COL23A1: variants seen among roughly 807,000 people sequenced by gnomAD.
COL23A1 encodes the protein collagen type XXIII alpha 1 chain.
In COL23A1, 97 loss-of-function variants were observed where a neutral mutation model predicts 99.3. The ratio of observed to expected loss-of-function variants is 0.98; its 90% CI spans 0.83 to 1.16. The LOEUF (loss-of-function observed/expected upper bound fraction) is 1.16, where lower values mean the gene tolerates loss of function less well. COL23A1 is among the 50% of genes most tolerant of loss of function. COL23A1 has a pLI of 0.00. For synonymous variants in COL23A1, 320 were observed against 308.2 expected (o/e 1.04, Z -0.40); for missense variants, 762 against 757.4 (o/e 1.01, Z -0.07).
chr5:178,280,971 G>C lies in COL23A1; in HGVS notation c.441+7353C>G, dbSNP rs1215404179. Among the ~76,000 whole-genome samples the C allele has an allele frequency of 6.6e-6, 1 of 152,200 alleles. No individual in the cohort carries two copies. The highest frequency in any genetic ancestry group is 1.5e-5 in the Non-Finnish European group (1 of 68,036). The stretch of plus-strand genomic sequence containing the variant: ...CATGGGACACTCACGGGGACACTGG[G>C]GACACAGTGCTGGACCAAGACAAGA... On this transcript the variant is annotated intron_variant, in intron 5 of 28. Coordinates refer to ENST00000390654, the MANE Select transcript of COL23A1 (RefSeq NM_173465.4). This position sits in a 1 kb window ranked among gnomAD's most constrained non-coding sequence, Gnocchi z 4.9.
At position 178,313,094 on chromosome 5, in the gene COL23A1, A is replaced by G. The variant is rs1203993819; in HGVS notation, c.362-6175T>C. Among the ~76,000 whole-genome samples, 2 of 152,172 alleles carry G rather than the reference A, an allele frequency of 1.3e-5. No individual in the cohort carries two copies. Among genetic ancestry groups the G allele is most frequent in the East Asian group, 1.9e-4 (1 of 5,186 alleles). On this transcript the variant is annotated intron_variant, in intron 2 of 28. Coordinates refer to ENST00000390654, the MANE Select transcript of COL23A1 (RefSeq NM_173465.4). This position sits in a 1 kb window ranked among gnomAD's most constrained non-coding sequence, Gnocchi z 4.2. ...GCGATGGGAAGTAAGCCAGACACAG[A>G]AAGACAAATACGGAAGGATTCCACT... is the stretch of plus-strand genomic sequence containing the variant.
Position 178,434,913 on chromosome 5 carries a change from C to A in COL23A1, c.361+125769G>T, listed in dbSNP as rs1224444871. Among the ~76,000 whole-genome samples the A allele has an allele frequency of 6.6e-6, 1 of 152,222 alleles. No individual in the cohort carries two copies. Among genetic ancestry groups the A allele is most frequent in the East Asian group, 1.9e-4 (1 of 5,186 alleles). Reference sequence around the variant, plus strand: ...ACCCTCGGTCTCAGCCCTTGCAGGGCAGCCCAGCCCCGACCCTGCCGCCGG... The same window carrying A: ...ACCCTCGGTCTCAGCCCTTGCAGGGAAGCCCAGCCCCGACCCTGCCGCCGG... On this transcript the variant is annotated intron_variant, in intron 2 of 28. Coordinates refer to ENST00000390654, the MANE Select transcript of COL23A1 (RefSeq NM_173465.4). This position sits in a 1 kb window ranked among gnomAD's most constrained non-coding sequence, Gnocchi z 4.3.
intron 2 of COL23A1, among the ~76,000 whole-genome samples, chr5:178,333,050 C>T (rs558871778): frequency 1.3e-5 from 2 of 152,246 alleles, no homozygotes; most frequent in Admixed American, 6.5e-5. Flanking sequence ...CTCCACCCTC[C>T]GAGTTCAAGC....
At chr5:178,559,074 G>C (rs961983457) in intron 2 of COL23A1, among the ~76,000 whole-genome samples, 3 of 152,188 alleles carry the variant, frequency 2.0e-5, no homozygotes, top group African/African-American at 2.4e-5. Flanking sequence ...ACAGGCGTGG[G>C]CCACCGCGCC....
intron 1 of COL23A1, among the ~76,000 whole-genome samples, chr5:178,588,130 A>G (rs2113769937): frequency 6.6e-6 from 1 of 151,486 alleles, no homozygotes; most frequent in South Asian, 2.1e-4. Context: ...TCAAGAACAG[A>G]GAGAGAGAGA....
At chr5:178,274,789 C>T (rs1272635742) in intron 5 of COL23A1, among the ~76,000 whole-genome samples, 2 of 152,236 alleles carry the variant, frequency 1.3e-5, no homozygotes, top group African/African-American at 2.4e-5. Context: ...TCAGCTTCCT[C>T]ATCTATGGAT....
chr5:178,491,581 T>C (rs1757936487), intron 2 of COL23A1, among the ~76,000 whole-genome samples: 1 of 151,944 alleles, frequency 6.6e-6, no homozygotes, highest in African/African-American at 2.4e-5. Flanking sequence ...GAAATGTGGG[T>C]GGGTCATAAC....
chr5:178,401,032 C>T (rs1764420098), intron 2 of COL23A1, among the ~76,000 whole-genome samples: 1 of 152,232 alleles, frequency 6.6e-6, no homozygotes. Context: ...TGGTAACCTC[C>T]ACTCTACTTT....
chr5:178,376,662 G>A (rs1414174508), intron 2 of COL23A1, among the ~76,000 whole-genome samples: 1 of 152,238 alleles, frequency 6.6e-6, no homozygotes, highest in Non-Finnish European at 1.5e-5. Flanking sequence ...AGCTCTGAAA[G>A]GTGAGGGAAC....
chr5:178,551,164 T>C (rs1179102543), intron 2 of COL23A1, among the ~76,000 whole-genome samples: 2 of 148,282 alleles, frequency 1.3e-5, no homozygotes, highest in Admixed American at 6.8e-5. Context: ...TTATATATTA[T>C]ATTAATATAT....
At chr5:178,537,818 A>G (rs1270421337) in intron 2 of COL23A1, among the ~76,000 whole-genome samples, 1 of 152,244 alleles carries the variant, frequency 6.6e-6, no homozygotes, top group African/African-American at 2.4e-5. Flanking sequence ...GGCAGCCACA[A>G]GTGCACGGCT....
At chr5:178,432,551 T>C (rs1454728524) in intron 2 of COL23A1, among the ~76,000 whole-genome samples, 8 of 152,060 alleles carry the variant, frequency 5.3e-5, no homozygotes, top group Non-Finnish European at 2.9e-5. Flanking sequence ...GTCTGTCACA[T>C]GGAGCAGAGC....
In COL23A1 at chr5:178,589,759, C is replaced by T; in HGVS notation, c.294+145G>A. 1.2e-6 allele frequency: 1 copy of T among 812,348 alleles called. No homozygotes were observed. The highest frequency in any genetic ancestry group is 1.6e-6 in the Non-Finnish European group (1 of 609,164). 50.3% of individuals were successfully genotyped at this position (812,348 alleles called of 1,614,324 possible). Reference sequence around the variant, plus strand: ...CTGCCTCCGCCTTGGCGCAGACGTGCCCATCTCTGGGACGGCCCCGAGCGC... The same window carrying T: ...CTGCCTCCGCCTTGGCGCAGACGTGTCCATCTCTGGGACGGCCCCGAGCGC... On this transcript the variant is annotated intron_variant, in intron 1 of 28. Coordinates refer to ENST00000390654, the MANE Select transcript of COL23A1 (RefSeq NM_173465.4). This position sits in a 1 kb window ranked among gnomAD's most constrained non-coding sequence, Gnocchi z 5.4.
At chr5:178,362,573 G>A (rs997249437) in intron 2 of COL23A1, among the ~76,000 whole-genome samples, 4 of 152,118 alleles carry the variant, frequency 2.6e-5, no homozygotes, top group Admixed American at 6.5e-5. Context: ...CCTTGCCACC[G>A]GCAGGTGACT....
At chr5:178,339,276 C>T (rs1016776644) in intron 2 of COL23A1, among the ~76,000 whole-genome samples, 1 of 152,202 alleles carries the variant, frequency 6.6e-6, no homozygotes, top group Non-Finnish European at 1.5e-5. Flanking sequence ...AAAGCCACGA[C>T]CACAGTTTCC....
At chr5:178,257,625 T>C in intron 12 of COL23A1, 58 bp from the exon 13 acceptor site, 4 of 1,515,864 alleles carry the variant, frequency 2.6e-6, no homozygotes, top group African/African-American at 1.4e-5. Flanking sequence ...AGTGGGCCCC[T>C]CCCTCCTCTG....
intron 2 of COL23A1, among the ~76,000 whole-genome samples, chr5:178,348,015 A>G (rs1476049336): frequency 6.6e-6 from 1 of 151,874 alleles, no homozygotes; most frequent in East Asian, 1.9e-4. Context: ...TAGAACTTTG[A>G]TCATCCTCCC....
Position 178,263,245 on chromosome 5 carries a change from G to T in COL23A1, c.602C>A (p.Thr201Asn). Residue 201 changes from threonine (T) to asparagine (N), a missense_variant, in exon 9 of 29, where the codon ACT becomes AAT. Transcript: ENST00000390654. ...PPGARGPPGD[T>N]GKDGPRGAQG... is the part of the protein sequence containing the mutation. ...TGCTCCCCTGGGGCCATCTTTCCCA[G>T]TGTCGCCAGGAGGGCCCCGGGCCCC... is the stretch of plus-strand genomic sequence containing the variant. 2 of 1,613,736 alleles carry T rather than the reference G, an allele frequency of 1.2e-6. No individual in the cohort carries two copies. The highest frequency in any genetic ancestry group is 1.7e-6 in the Non-Finnish European group (2 of 1,179,884).
At chr5:178,293,210 T>C (rs887784472) in intron 3 of COL23A1, among the ~76,000 whole-genome samples, 1 of 151,568 alleles carries the variant, frequency 6.6e-6, no homozygotes, top group Non-Finnish European at 1.5e-5. Flanking sequence ...ATGAGAGTGG[T>C]CCAGCAGAGA....
Sources: gnomAD v4.1 joint callset for allele counts (sites outside exome capture counted in the v4.1 genomes callset) on GRCh38, gnomAD v4.1.1 for gene constraint, Gnocchi (gnomAD v3.1) non-coding constraint, MANE v1.5 for transcripts, NCBI Gene and HGNC (gene_info 2026-07-23, HGNC 2026-07-21) for gene names.